FMN1: variants seen among roughly 807,000 people sequenced by gnomAD.
FMN1 encodes the protein formin 1.
In FMN1, 110 loss-of-function variants were observed where a neutral mutation model predicts 132.4. The observed-to-expected ratio is 0.83, with a 90% CI of 0.71 to 0.97. The LOEUF is 0.97. Among genes scored for constraint, FMN1 ranks in the 50% least tolerant of loss-of-function variants. The pLI is 0.00. For synonymous variants in FMN1, 722 were observed against 651.7 expected, an observed-to-expected ratio of 1.11 and a Z score of -1.64; for missense variants, 1,792 against 1,705.3, an observed-to-expected ratio of 1.05 and a Z score of -0.90.
intron 16 of FMN1, among the ~76,000 whole-genome samples, chr15:32,864,827 A>G (rs544866628): frequency 1.3e-5 from 2 of 152,358 alleles, no homozygotes; most frequent in East Asian, 3.9e-4. Context: ...GAGCTTTAGT[A>G]TACTCCAAGA....
intron 15 of FMN1, among the ~76,000 whole-genome samples, chr15:32,891,424 A>C (rs560607130): frequency 1.3e-4 from 20 of 152,276 alleles, no homozygotes; most frequent in African/African-American, 4.8e-4. Flanking sequence ...ATTTATTTTT[A>C]GTAGAGACGG....
At position 33,167,337 on chromosome 15, in the gene FMN1, T is replaced by C. The variant is rs116206359; in HGVS notation, c.-131-12292A>G. ...CCTGCTACCATGTAAGATGTGCCTT[T>C]ACTTCTCCTTTGCCTTCACCATGAT... On this transcript the variant is annotated intron_variant, in intron 3 of 20. Transcript: ENST00000616417. Among the ~76,000 whole-genome samples the C allele has an allele frequency of 4.0e-3, 609 of 152,358 alleles. 2 individuals carry two copies. The highest frequency in any genetic ancestry group is 0.014 in the African/African-American group (592 of 41,578).
intron 3 of FMN1, among the ~76,000 whole-genome samples, chr15:33,176,167 G>A (rs961085932): frequency 6.6e-6 from 1 of 152,110 alleles, no homozygotes; most frequent in Non-Finnish European, 1.5e-5. Flanking sequence ...GAGGTCAGGA[G>A]TTCAAGACCA....
At chr15:32,984,752 T>C (rs1464818277) in intron 7 of FMN1, among the ~76,000 whole-genome samples, 2 of 152,098 alleles carry the variant, frequency 1.3e-5, no homozygotes, top group South Asian at 4.1e-4. Flanking sequence ...TCAACATTTT[T>C]TTCTACACAA....
In FMN1 at chr15:33,065,080, G is replaced by C. The variant is rs773657896; in HGVS notation, c.2044-6C>G. On this transcript the variant is annotated splice_region_variant and splice_polypyrimidine_tract_variant and intron_variant, in intron 5 of 20. Transcript: ENST00000616417. ...TCAGTCAGGCTGTGGTCAGGCTGTT[G>C]AAAGAGCAGGCAAATAGTAAGTGGA... 5 of 1,589,276 alleles carry C rather than the reference G, an allele frequency of 3.1e-6. No individual in the cohort carries two copies. The highest frequency in any genetic ancestry group is 1.3e-5 in the African/African-American group (1 of 74,304).
intron 4 of FMN1, among the ~76,000 whole-genome samples, chr15:33,122,525 G>C (rs369114950): frequency 6.6e-6 from 1 of 152,304 alleles, no homozygotes; most frequent in African/African-American, 2.4e-5. Context: ...GATGTCCCAA[G>C]TATTTAAAAT....
chr15:33,129,540 C>A (rs961191642), intron 4 of FMN1, among the ~76,000 whole-genome samples: 3 of 152,172 alleles, frequency 2.0e-5, no homozygotes, highest in Non-Finnish European at 4.4e-5. Context: ...CACTTCCTGG[C>A]ATGCATGCCA....
At chr15:33,152,222 C>T (rs779879860) in intron 4 of FMN1, among the ~76,000 whole-genome samples, 1 of 152,198 alleles carries the variant, frequency 6.6e-6, no homozygotes, top group African/African-American at 2.4e-5. Flanking sequence ...CAGAGCAGTG[C>T]TTCTTTTACA....
intron 6 of FMN1, among the ~76,000 whole-genome samples, chr15:33,032,954 G>A (rs2036006466): frequency 6.6e-6 from 1 of 152,186 alleles, no homozygotes. Context: ...TTTGTTCAAC[G>A]CTTAGAGAAG....
chr15:33,147,363 T>C (rs1964268829), intron 4 of FMN1, among the ~76,000 whole-genome samples: 1 of 152,238 alleles, frequency 6.6e-6, no homozygotes, highest in South Asian at 2.1e-4. Context: ...TAAAATTTAA[T>C]ATCTATTTAT....
At chr15:33,022,827 G>T (rs577906556) in intron 6 of FMN1, among the ~76,000 whole-genome samples, 1 of 152,232 alleles carries the variant, frequency 6.6e-6, no homozygotes, top group African/African-American at 2.4e-5. Flanking sequence ...AAAAGGGACT[G>T]AGACACAGCT....
intron 9 of FMN1, among the ~76,000 whole-genome samples, chr15:32,950,024 T>C (rs865797506): frequency 9.5e-5 from 1 of 10,540 alleles, no homozygotes; most frequent in South Asian, 4.1e-3. Context: ...TACACATATA[T>C]ATATATATAC....
chr15:32,908,381 T>A lies in FMN1; in HGVS notation c.3377+109A>T. 5.7e-6 allele frequency: 4 copies of A among 704,198 alleles called. No individual in the cohort carries two copies. In the Middle Eastern group the frequency reaches 1.0e-3, roughly 176 times the overall value. The allele number at this position is 704,198 out of a possible 1,614,324, so 43.6% of individuals were successfully genotyped here. A position where few individuals can be genotyped will look rare whatever the true frequency, so the allele number is the denominator to read the frequency against. On this transcript the variant is annotated intron_variant, in intron 12 of 20. Transcript: ENST00000616417. The stretch of plus-strand genomic sequence containing the variant: ...ACAGGTCACAGGAATGACGGTGTTG[T>A]GATTTAGCTGGCTGCACATTTAGAT...
chr15:32,836,866 G>C (rs2058638774), intron 17 of FMN1: 1 of 165,152 alleles, frequency 6.1e-6, no homozygotes, highest in African/African-American at 2.4e-5. Context: ...GAACACTACT[G>C]TTTGACGATC....
chr15:32,896,830 G>C (rs905279921), intron 15 of FMN1, among the ~76,000 whole-genome samples: 1 of 152,028 alleles, frequency 6.6e-6, no homozygotes, highest in African/African-American at 2.4e-5. Context: ...ATTTAGATTT[G>C]TTTCCAAATC....
intron 9 of FMN1, among the ~76,000 whole-genome samples, chr15:32,943,462 T>A (rs1202667956): frequency 6.6e-6 from 1 of 152,342 alleles, no homozygotes; most frequent in East Asian, 1.9e-4. Context: ...AAAGTAGATA[T>A]GCTACTGATG....
intron 7 of FMN1, among the ~76,000 whole-genome samples, chr15:32,990,154 A>G (rs553873446): frequency 6.6e-6 from 1 of 152,320 alleles, no homozygotes; most frequent in South Asian, 2.1e-4. Context: ...ATTCAAATAA[A>G]TAGGTCTGAA....
At chr15:32,829,663 T>C (rs1418947663) in intron 17 of FMN1, among the ~76,000 whole-genome samples, 1 of 152,226 alleles carries the variant, frequency 6.6e-6, no homozygotes, top group African/African-American at 2.4e-5. Flanking sequence ...TGGTATGGAC[T>C]GGGCATATTG....
chr15:32,777,234 C>T (rs1258739), intron 19 of FMN1, among the ~76,000 whole-genome samples: 149,035 of 152,124 alleles, frequency 0.98, 73,074 homozygotes, highest in Middle Eastern at 1. Context: ...CAGTGTTATC[C>T]GGCTTGTGAT....
Sources: allele counts gnomAD v4.1 joint callset (sites outside exome capture counted in the v4.1 genomes callset), GRCh38; gene constraint gnomAD v4.1.1; transcripts MANE v1.5; gene names NCBI Gene and HGNC (gene_info 2026-07-23, HGNC 2026-07-21).